CELF4: variants seen among roughly 807,000 people sequenced by gnomAD.
CELF4 encodes CUG-BP- and ETR-3-like factor 4.
In CELF4, 18 loss-of-function variants were observed where a neutral mutation model predicts 59.9. That is an observed-to-expected ratio of 0.30 (90% CI 0.21 to 0.45). The LOEUF is 0.45. CELF4 is among the 20% of genes least tolerant of loss of function. CELF4 has a pLI of 1.00. For synonymous variants in CELF4, 261 were observed against 267.1 expected (o/e 0.98, Z 0.22); for missense variants, 456 against 689.0 (o/e 0.66, Z 3.79).
At chr18:37,337,960 ACT>A (rs1378160183) in intron 2 of CELF4, among the ~76,000 whole-genome samples, 1 of 152,166 alleles carries the variant, frequency 6.6e-6, no homozygotes, top group Non-Finnish European at 1.5e-5. Flanking sequence ...GAAAATCACC[ACT>A]GTCACCACCA....
intron 2 of CELF4, among the ~76,000 whole-genome samples, chr18:37,422,852 A>G (rs2099586716): frequency 2.6e-5 from 4 of 152,060 alleles, no homozygotes; most frequent in Admixed American, 2.0e-4. Flanking sequence ...CCCTCGTCCT[A>G]TTTCCCCAGC....
At chr18:37,333,468 C>T (rs2097637942) in intron 2 of CELF4, among the ~76,000 whole-genome samples, 1 of 152,098 alleles carries the variant, frequency 6.6e-6, no homozygotes, top group Admixed American at 6.6e-5. Context: ...GAATACCTAA[C>T]ATTTGACTTT....
intron 2 of CELF4, among the ~76,000 whole-genome samples, chr18:37,329,655 G>T (rs775760478): frequency 6.6e-6 from 1 of 152,262 alleles, no homozygotes; most frequent in Non-Finnish European, 1.5e-5. Flanking sequence ...AATGATTGCA[G>T]GTGGGACTCT....
chr18:37,265,143 TG>T (rs1297862217), intron 9 of CELF4, among the ~76,000 whole-genome samples: 2 of 150,822 alleles, frequency 1.3e-5, no homozygotes, highest in Admixed American at 1.3e-4. Context: ...CATACATGCA[TG>T]TGTGTGGGTG....
intron 2 of CELF4, among the ~76,000 whole-genome samples, chr18:37,429,308 CTG>C (rs938094025): frequency 2.6e-5 from 4 of 151,146 alleles, no homozygotes; most frequent in Non-Finnish European, 4.4e-5. Context: ...ATGTGTAAGT[CTG>C]TGTGTGTGTG....
chr18:37,397,062 G>A (rs908384582), intron 2 of CELF4, among the ~76,000 whole-genome samples: 8 of 152,120 alleles, frequency 5.3e-5, no homozygotes, highest in African/African-American at 1.9e-4. Flanking sequence ...CAGGGGGGAG[G>A]TGAGCGGATG....
chr18:37,491,393 CCTT>C (rs949942439), intron 1 of CELF4, among the ~76,000 whole-genome samples: 2 of 152,214 alleles, frequency 1.3e-5, no homozygotes, highest in African/African-American at 4.8e-5. Flanking sequence ...AGCCATGTCA[CCTT>C]CTCCCACTTA....
At chr18:37,518,273 C>T (rs1018772028) in intron 1 of CELF4, among the ~76,000 whole-genome samples, 2 of 152,148 alleles carry the variant, frequency 1.3e-5, no homozygotes, top group Admixed American at 6.5e-5. Context: ...AGAGTTTCAG[C>T]CCTTATTGGA....
chr18:37,270,772 G>A lies in CELF4; in HGVS notation c.1095C>T (p.Tyr365=). 1 of 1,613,982 alleles carries A rather than the reference G, an allele frequency of 6.2e-7. No homozygotes were observed. The change falls in exon 8 of 13, where the codon TAC becomes TAT. Residue 365 remains tyrosine (Y), a synonymous_variant. Transcript: ENST00000420428. ...AGTGCTGACAGATGTGCTTACCTGGGTAGGGGTGGATGCCATTGGCGAACA... is the reference window on the plus strand; with the variant it reads ...AGTGCTGACAGATGTGCTTACCTGGATAGGGGTGGATGCCATTGGCGAACA... ...EAVFANGIHP[Y]PAQSPTAADP...
chr18:37,481,733 TC>T (rs2099867867), intron 2 of CELF4, among the ~76,000 whole-genome samples: 2 of 152,150 alleles, frequency 1.3e-5, no homozygotes, highest in African/African-American at 4.8e-5. Context: ...CCTACCCATA[TC>T]CTGAATGAAA....
intron 3 of CELF4, among the ~76,000 whole-genome samples, chr18:37,298,295 A>C (rs1017449117): frequency 2.6e-5 from 4 of 152,326 alleles, no homozygotes; most frequent in Non-Finnish European, 4.4e-5. Flanking sequence ...GGTCCCAGCC[A>C]TGTCCACCTC....
intron 1 of CELF4, among the ~76,000 whole-genome samples, chr18:37,493,221 C>G (rs2099912223): frequency 6.6e-6 from 1 of 152,218 alleles, no homozygotes; most frequent in African/African-American, 2.4e-5. Flanking sequence ...TTCCCCCATG[C>G]CTCACCCCTT....
intron 1 of CELF4, among the ~76,000 whole-genome samples, chr18:37,508,217 C>T (rs953804552): frequency 6.6e-6 from 1 of 152,182 alleles, no homozygotes; most frequent in African/African-American, 2.4e-5. Flanking sequence ...TAAGGCCAGA[C>T]TAAGACATTG....
chr18:37,556,519 G>A (rs368510007), intron 1 of CELF4, among the ~76,000 whole-genome samples: 38 of 152,286 alleles, frequency 2.5e-4, no homozygotes, highest in African/African-American at 9.1e-4. Flanking sequence ...TAGAAGGCAT[G>A]CTTTTTGTGC....
At chr18:37,415,027 T>C (rs1027901517) in intron 2 of CELF4, among the ~76,000 whole-genome samples, 5 of 152,290 alleles carry the variant, frequency 3.3e-5, no homozygotes, top group East Asian at 3.9e-4. Context: ...CTAGGGAAGA[T>C]GGTATGTGGA....
intron 2 of CELF4, among the ~76,000 whole-genome samples, chr18:37,421,769 C>G (rs952633433): frequency 6.6e-6 from 1 of 152,204 alleles, no homozygotes; most frequent in African/African-American, 2.4e-5. Flanking sequence ...AAAGAATGGC[C>G]AAGCCAATTC....
chr18:37,446,763 T>C (rs1323792282), intron 2 of CELF4, among the ~76,000 whole-genome samples: 1 of 152,054 alleles, frequency 6.6e-6, no homozygotes, highest in Non-Finnish European at 1.5e-5. Flanking sequence ...CTGTCAAGCC[T>C]GTTTTCAGAG....
chr18:37,414,252 A>C (rs1463655398), intron 2 of CELF4, among the ~76,000 whole-genome samples: 2 of 150,850 alleles, frequency 1.3e-5, no homozygotes, highest in Non-Finnish European at 2.9e-5. Flanking sequence ...CTATCCATCC[A>C]TTCATACTTG....
At chr18:37,500,165 C>A (rs2099929914) in intron 1 of CELF4, among the ~76,000 whole-genome samples, 1 of 152,192 alleles carries the variant, frequency 6.6e-6, no homozygotes, top group African/African-American at 2.4e-5. Flanking sequence ...AGAACAGATT[C>A]ATGCGAGGAG....
Sources: gnomAD v4.1 joint callset for allele counts (sites outside exome capture counted in the v4.1 genomes callset) on GRCh38, gnomAD v4.1.1 for gene constraint, MANE v1.5 for transcripts, NCBI Gene and HGNC (gene_info 2026-07-23, HGNC 2026-07-21) for gene names.